EPHA6: variants seen among roughly 807,000 people sequenced by gnomAD.
EPHA6 encodes the protein EPH receptor A6, also known as ephrin type-A receptor 6.
In EPHA6, 50 loss-of-function variants were observed where a neutral mutation model predicts 112.0. That is an observed-to-expected ratio of 0.45 (90% CI 0.36 to 0.56). The LOEUF (loss-of-function observed/expected upper bound fraction) is 0.56. Among genes scored for constraint, EPHA6 ranks in the 20% least tolerant of loss-of-function variants. The pLI is 0.00. For synonymous variants in EPHA6, 529 were observed against 490.7 expected, an observed-to-expected ratio of 1.08 and a Z score of -1.03; for missense variants, 1,280 against 1,417.4, an observed-to-expected ratio of 0.90 and a Z score of 1.56.
chr3:97,618,866 A>G (rs1005659560), intron 13 of EPHA6, among the ~76,000 whole-genome samples: 10 of 151,874 alleles, frequency 6.6e-5, no homozygotes, highest in African/African-American at 2.2e-4. Flanking sequence ...CTACTGAAAC[A>G]ATACTAAAAA....
At chr3:96,991,180 T>C (rs1331789169) in intron 3 of EPHA6, among the ~76,000 whole-genome samples, 1 of 152,172 alleles carries the variant, frequency 6.6e-6, no homozygotes, top group Non-Finnish European at 1.5e-5. Context: ...TTTTGAGCAT[T>C]TACTATTTCT....
intron 5 of EPHA6, among the ~76,000 whole-genome samples, chr3:97,250,777 C>A (rs1318903011): frequency 6.6e-6 from 1 of 151,956 alleles, no homozygotes; most frequent in African/African-American, 2.4e-5. Context: ...ACTCTGCCTA[C>A]AAAATGAATG....
chr3:97,337,889 G>A (rs954476271), intron 5 of EPHA6, among the ~76,000 whole-genome samples: 8 of 152,174 alleles, frequency 5.3e-5, no homozygotes, highest in African/African-American at 1.9e-4. Flanking sequence ...GAGCAACTCA[G>A]TGGGTGGAGG....
intron 3 of EPHA6, among the ~76,000 whole-genome samples, chr3:96,994,942 T>C (rs1458972832): frequency 6.6e-6 from 1 of 151,858 alleles, no homozygotes; most frequent in Non-Finnish European, 1.5e-5. Context: ...TGTGAAACAC[T>C]AGGCATAATT....
intron 4 of EPHA6, among the ~76,000 whole-genome samples, chr3:97,235,308 A>G (rs1425529326): frequency 2.6e-5 from 4 of 151,966 alleles, no homozygotes; most frequent in African/African-American, 9.7e-5. Context: ...TTCAAGCTCA[A>G]CCTGAGTTAG....
chr3:97,083,546 C>G (rs1039058101), intron 3 of EPHA6, among the ~76,000 whole-genome samples: 1 of 151,950 alleles, frequency 6.6e-6, no homozygotes, highest in Non-Finnish European at 1.5e-5. Flanking sequence ...CTATTTCCAC[C>G]TACCTTTCTC....
intron 3 of EPHA6, among the ~76,000 whole-genome samples, chr3:97,130,839 G>A (rs573209923): frequency 7.9e-5 from 12 of 152,190 alleles, no homozygotes; most frequent in African/African-American, 2.9e-4. Flanking sequence ...TTATTCTACC[G>A]TGATTCACCC....
intron 11 of EPHA6, among the ~76,000 whole-genome samples, chr3:97,534,920 T>TG (rs997773559): frequency 1.3e-5 from 2 of 152,080 alleles, no homozygotes; most frequent in Admixed American, 1.3e-4. Flanking sequence ...ATGAAACATC[T>TG]GGAAATGAGC....
intron 14 of EPHA6, among the ~76,000 whole-genome samples, chr3:97,675,581 C>T (rs1168288945): frequency 6.6e-6 from 1 of 152,144 alleles, no homozygotes; most frequent in African/African-American, 2.4e-5. Flanking sequence ...CAATACCTAA[C>T]TTCATCAGCC....
At chr3:97,443,359 CAAA>C (rs5851066) in intron 6 of EPHA6, among the ~76,000 whole-genome samples, 7 of 68,204 alleles carry the variant, frequency 1.0e-4, no homozygotes, top group African/African-American at 2.5e-4. Context: ...TAAGACATCG[CAAA>C]AAAAAAAAAA....
intron 5 of EPHA6, among the ~76,000 whole-genome samples, chr3:97,385,845 T>C (rs906478204): frequency 4.3e-4 from 66 of 152,260 alleles, no homozygotes; most frequent in African/African-American, 1.3e-3. Flanking sequence ...TAAACAAAAG[T>C]GTTAAACAAC....
intron 14 of EPHA6, among the ~76,000 whole-genome samples, chr3:97,674,867 G>T (rs2031210340): frequency 6.6e-6 from 1 of 152,052 alleles, no homozygotes; most frequent in Non-Finnish European, 1.5e-5. Flanking sequence ...AGCCATTTTT[G>T]ACTTACTTCA....
chr3:97,069,336 T>C (rs2046281649), intron 3 of EPHA6, among the ~76,000 whole-genome samples: 2 of 152,244 alleles, frequency 1.3e-5, no homozygotes, highest in Admixed American at 6.6e-5. Flanking sequence ...TTGTCCTCCA[T>C]TGATAGGCTG....
intron 5 of EPHA6, among the ~76,000 whole-genome samples, chr3:97,321,322 C>T (rs188651414): frequency 8.6e-5 from 13 of 151,970 alleles, no homozygotes; most frequent in Non-Finnish European, 1.8e-4. Flanking sequence ...CTGTAAAACA[C>T]TAAGCCCATG....
At chr3:97,347,749 A>T (rs2083602004) in intron 5 of EPHA6, among the ~76,000 whole-genome samples, 1 of 152,094 alleles carries the variant, frequency 6.6e-6, no homozygotes, top group African/African-American at 2.4e-5. Context: ...GAAATTTTCC[A>T]TGCCCTTCTG....
At chr3:97,621,974 A>T (rs1344276869) in intron 13 of EPHA6, among the ~76,000 whole-genome samples, 1 of 151,892 alleles carries the variant, frequency 6.6e-6, no homozygotes, top group Non-Finnish European at 1.5e-5. Context: ...TGTCAAGGCA[A>T]GCAATAAATC....
intron 2 of EPHA6, among the ~76,000 whole-genome samples, chr3:96,986,922 T>C (rs891790199): frequency 1.1e-4 from 16 of 152,222 alleles, no homozygotes; most frequent in African/African-American, 3.6e-4. Context: ...AGTGCGTTTT[T>C]TATATATTTA....
chr3:97,440,603 A>T (rs1318285888), intron 6 of EPHA6, among the ~76,000 whole-genome samples: 2 of 151,034 alleles, frequency 1.3e-5, no homozygotes, highest in South Asian at 4.1e-4. Context: ...TTTTAATTTT[A>T]TATTAAATAA....
intron 2 of EPHA6, among the ~76,000 whole-genome samples, chr3:96,934,128 G>C (rs530622062): frequency 1.4e-3 from 218 of 151,816 alleles, no homozygotes; most frequent in African/African-American, 5.0e-3. Flanking sequence ...CTATTTTAAT[G>C]GGTTCTATTC....
Sources: gnomAD v4.1 joint callset for allele counts (sites outside exome capture counted in the v4.1 genomes callset) on GRCh38, gnomAD v4.1.1 for gene constraint, MANE v1.5 for transcripts, NCBI Gene and HGNC (gene_info 2026-07-23, HGNC 2026-07-21) for gene names.